XKR9: variants seen among roughly 807,000 people sequenced by gnomAD.
The protein encoded by XKR9 is XK related 9.
XKR9 carries 32 observed loss-of-function variants against 32.0 expected under a neutral mutation model. That is an observed-to-expected ratio of 1.00 (90% CI 0.76 to 1.34). The LOEUF is 1.34. Ranked by LOEUF, XKR9 falls within the 40% of genes most tolerant of loss-of-function variation. XKR9 has a pLI of 0.00. For missense variants in XKR9, 546 were observed against 429.7 expected (o/e 1.27, Z -2.39); for synonymous variants, 168 against 143.4 (o/e 1.17, Z -1.22).
chr8:70,947,085 T>C, the XKR9 span, among the ~76,000 whole-genome samples: 2 of 152,342 alleles, frequency 1.3e-5, no homozygotes, highest in East Asian at 3.9e-4. Flanking sequence ...ATGAAAATTG[T>C]ATTTCAGTTA....
At chr8:70,705,728 A>T (rs963608214) in intron 3 of XKR9, among the ~76,000 whole-genome samples, 1 of 152,140 alleles carries the variant, frequency 6.6e-6, no homozygotes, top group Non-Finnish European at 1.5e-5. Flanking sequence ...AACATTTTCT[A>T]CCCCAATGAG....
rs531559269 is a variant in XKR9 at position 70,726,923 on chromosome 8, G to A, written c.494-6873G>A. Reference sequence around the variant, plus strand: ...AAGGCAATTTTGTGAGAGTTTTGATGGGAAATCATTAGACATCCACCTTAC... The same window carrying A: ...AAGGCAATTTTGTGAGAGTTTTGATAGGAAATCATTAGACATCCACCTTAC... On this transcript the variant is annotated intron_variant, in intron 4 of 4. Coordinates refer to ENST00000408926, the MANE Select transcript of XKR9 (RefSeq NM_001011720.2). Among the ~76,000 whole-genome samples the A allele has an allele frequency of 7.9e-5, 12 of 152,190 alleles. No individual in the cohort carries two copies. In the South Asian group the frequency reaches 2.5e-3, roughly 32 times the overall value.
At chr8:70,869,087 A>C in the XKR9 span, among the ~76,000 whole-genome samples, 1 of 152,112 alleles carries the variant, frequency 6.6e-6, no homozygotes, top group Non-Finnish European at 1.5e-5. Context: ...ATAGCCATTC[A>C]ACAAGTCTCT....
At chr8:70,816,542 A>G in the XKR9 span, among the ~76,000 whole-genome samples, 3 of 152,220 alleles carry the variant, frequency 2.0e-5, no homozygotes, top group Non-Finnish European at 2.9e-5. Flanking sequence ...ACTGTGAGAT[A>G]CTATATAAAA....
the XKR9 span, among the ~76,000 whole-genome samples, chr8:71,015,604 C>T: frequency 9.2e-5 from 14 of 152,160 alleles, no homozygotes; most frequent in South Asian, 1.2e-3. Flanking sequence ...TTATGAAAGC[C>T]CAGCAGACTT....
chr8:70,924,460 T>A, the XKR9 span, among the ~76,000 whole-genome samples: 2 of 152,218 alleles, frequency 1.3e-5, no homozygotes, highest in Admixed American at 1.3e-4. Flanking sequence ...ATTTGGTTTA[T>A]AAACTCCTTC....
At chr8:70,771,600 C>T (rs77974790) in intron 2 of XKR9, among the ~76,000 whole-genome samples, 2,710 of 152,208 alleles carry the variant, frequency 0.018, 74 homozygotes, top group African/African-American at 0.063. Context: ...GCTTTTTTCC[C>T]CAGGGATCAA....
chr8:70,945,656 G>A, the XKR9 span, among the ~76,000 whole-genome samples: 1 of 152,092 alleles, frequency 6.6e-6, no homozygotes, highest in Admixed American at 6.6e-5. Context: ...AAAGGAGTAT[G>A]CATTCTTATT....
At chr8:71,007,401 G>A in the XKR9 span, among the ~76,000 whole-genome samples, 6 of 152,072 alleles carry the variant, frequency 3.9e-5, no homozygotes. Flanking sequence ...ATATTTGTGG[G>A]TCATTCATAA....
intron 2 of XKR9, among the ~76,000 whole-genome samples, chr8:70,784,478 T>G (rs1232063922): frequency 6.6e-6 from 1 of 152,132 alleles, no homozygotes; most frequent in Non-Finnish European, 1.5e-5. Context: ...TTGTTCTCTT[T>G]AATTCTTTCT....
the XKR9 span, among the ~76,000 whole-genome samples, chr8:71,058,494 A>G: frequency 2.6e-5 from 4 of 152,196 alleles, no homozygotes; most frequent in African/African-American, 9.6e-5. Flanking sequence ...CCATTAGTCT[A>G]GGCAATATTC....
intron 3 of XKR9, among the ~76,000 whole-genome samples, chr8:70,690,445 T>TGCCTCAGTCTCCC (rs1288299864): frequency 6.6e-6 from 1 of 151,826 alleles, no homozygotes; most frequent in Non-Finnish European, 1.5e-5. Context: ...TTCTTTCTCC[T>TGCCTCAGTCTCCC]GCCTCAGTCT....
chr8:70,726,301 G>T (rs1306104626), intron 4 of XKR9, among the ~76,000 whole-genome samples: 1 of 152,174 alleles, frequency 6.6e-6, no homozygotes, highest in Non-Finnish European at 1.5e-5. Context: ...CTTAGTGGCA[G>T]ATCATCCGCG....
At chr8:71,064,653 A>G in the XKR9 span, among the ~76,000 whole-genome samples, 176 of 152,138 alleles carry the variant, frequency 1.2e-3, no homozygotes, top group African/African-American at 4.1e-3. Flanking sequence ...TTATTCCTTT[A>G]TGGTTTTTTT....
intron 4 of XKR9, among the ~76,000 whole-genome samples, chr8:70,717,849 C>T (rs189661435): frequency 5.9e-5 from 9 of 152,240 alleles, no homozygotes; most frequent in South Asian, 4.1e-4. Flanking sequence ...CTTTTATGCT[C>T]TGTCACCTCT....
chr8:71,021,565 C>G, the XKR9 span, among the ~76,000 whole-genome samples: 11 of 141,370 alleles, frequency 7.8e-5, no homozygotes, highest in Non-Finnish European at 1.7e-4. Flanking sequence ...TGCAGTGGCG[C>G]GATCTCGACT....
At chr8:70,869,766 G>T in the XKR9 span, among the ~76,000 whole-genome samples, 1 of 152,186 alleles carries the variant, frequency 6.6e-6, no homozygotes, top group Non-Finnish European at 1.5e-5. Flanking sequence ...GTACTGGTAA[G>T]GGCACACAGT....
At chr8:70,754,692 G>T (rs1807192265) in intron 2 of XKR9, among the ~76,000 whole-genome samples, 1 of 151,120 alleles carries the variant, frequency 6.6e-6, no homozygotes, top group Non-Finnish European at 1.5e-5. Flanking sequence ...AATGGTGCTG[G>T]GAAAACTGGC....
At chr8:70,857,858 C>T in the XKR9 span, among the ~76,000 whole-genome samples, 8 of 152,220 alleles carry the variant, frequency 5.3e-5, 1 homozygote, top group South Asian at 4.1e-4. Flanking sequence ...GAACCAATGA[C>T]AAAAACCACG....
Sources: gnomAD v4.1 joint callset for allele counts (sites outside exome capture counted in the v4.1 genomes callset) on GRCh38, gnomAD v4.1.1 for gene constraint, MANE v1.5 for transcripts, NCBI Gene and HGNC (gene_info 2026-07-23, HGNC 2026-07-21) for gene names.